ERCC8: variants seen among roughly 807,000 people sequenced by gnomAD.
ERCC8 encodes ERCC excision repair 8, CSA ubiquitin ligase complex subunit.
Under a neutral mutation model 54.9 loss-of-function variants are expected in ERCC8, and 52 were observed. The observed-to-expected ratio is 0.95, with a 90% CI of 0.76 to 1.19. ERCC8 has a LOEUF of 1.19. Among genes scored for constraint, ERCC8 ranks in the 50% most tolerant of loss-of-function variants. The pLI, the probability that ERCC8 is intolerant of heterozygous loss-of-function variation, is 0.00. For synonymous variants in ERCC8, 146 were observed against 157.2 expected (o/e 0.93, Z 0.53); for missense variants, 514 against 466.1 (o/e 1.10, Z -0.95).
chr5:60,877,302 G>A (rs1748043978), intron 11 of ERCC8, among the ~76,000 whole-genome samples: 2 of 152,210 alleles, frequency 1.3e-5, no homozygotes, highest in South Asian at 2.1e-4. Flanking sequence ...ATAGTTTGAA[G>A]TCAGGTAGTG....
chr5:60,896,907 TGATCCTGTC>T (rs1748739750), intron 9 of ERCC8, among the ~76,000 whole-genome samples: 5 of 152,102 alleles, frequency 3.3e-5, no homozygotes, highest in Non-Finnish European at 7.4e-5. Context: ...TCTTCCAGAG[TGATCCTGTC>T]ACTTCTCCAC....
chr5:60,936,144 C>T (rs1419734737), intron 1 of ERCC8, among the ~76,000 whole-genome samples: 1 of 152,080 alleles, frequency 6.6e-6, no homozygotes, highest in Non-Finnish European at 1.5e-5. Context: ...AGCTGTGAGT[C>T]TGTACCTAAA....
chr5:60,900,043 T>C (rs1438880552), intron 7 of ERCC8, among the ~76,000 whole-genome samples: 1 of 152,046 alleles, frequency 6.6e-6, no homozygotes, highest in Non-Finnish European at 1.5e-5. Flanking sequence ...TTGTAGCTTG[T>C]TCCAAGTAAG....
rs767070938 is a variant in ERCC8 at position 60,868,443 on chromosome 5, A to G, written c.*6172T>C. ...ATTGGGCACCTGAAAAGTCCTACAC[A>G]CAGAGAACTAAGAGAGGTCGCAACA... On this transcript the variant is annotated 3_prime_UTR_variant, in exon 12 of 12. Coordinates refer to ENST00000676185, the MANE Select transcript of ERCC8 (RefSeq NM_000082.4). Among the ~76,000 whole-genome samples the G allele has an allele frequency of 1.4e-4, 22 of 152,188 alleles. No homozygotes were observed. The highest frequency in any genetic ancestry group is 2.6e-4 in the Admixed American group (4 of 15,278).
chr5:60,940,195 A>G (rs1750216547), intron 1 of ERCC8, among the ~76,000 whole-genome samples: 1 of 152,184 alleles, frequency 6.6e-6, no homozygotes. Context: ...TCTGGGTAAT[A>G]CTACTATAAA....
intron 1 of ERCC8, among the ~76,000 whole-genome samples, chr5:60,943,484 A>G (rs1412951990): frequency 6.6e-6 from 1 of 152,176 alleles, no homozygotes; most frequent in African/African-American, 2.4e-5. Flanking sequence ...TACTTCTTTC[A>G]AAGTCTATGG....
At chr5:60,936,762 TGA>T (rs2112543082) in intron 1 of ERCC8, among the ~76,000 whole-genome samples, 1 of 152,342 alleles carries the variant, frequency 6.6e-6, no homozygotes, top group Admixed American at 6.5e-5. Context: ...ATTTCCATCT[TGA>T]TGTCAGGTAT....
intron 9 of ERCC8, chr5:60,892,944 T>A: frequency 1.3e-6 from 1 of 755,812 alleles, no homozygotes; most frequent in Non-Finnish European, 2.5e-6. Context: ...GCAGCAATAG[T>A]TCCCCAGAAC....
At chr5:60,936,756 C>A (rs1430558071) in intron 1 of ERCC8, among the ~76,000 whole-genome samples, 1 of 152,164 alleles carries the variant, frequency 6.6e-6, no homozygotes, top group Non-Finnish European at 1.5e-5. Context: ...TTTTTAATTT[C>A]CATCTTGATG....
At chr5:60,903,422 A>G (rs1244128789) in intron 6 of ERCC8, 2 of 626,788 alleles carry the variant, frequency 3.2e-6, no homozygotes, top group Non-Finnish European at 5.0e-6. Context: ...ACTATTTTTC[A>G]TATTGTTTGA....
At chr5:60,899,811 A>G (rs1050206774) in intron 7 of ERCC8, 84 bp from the exon 8 acceptor site, 4 of 1,001,848 alleles carry the variant, frequency 4.0e-6, no homozygotes, top group Admixed American at 3.4e-5. Context: ...TTTATGGCAC[A>G]CAGAGGTCTC....
At chr5:60,880,484 C>T (rs567179737) in intron 11 of ERCC8, among the ~76,000 whole-genome samples, 5 of 152,154 alleles carry the variant, frequency 3.3e-5, no homozygotes, top group Non-Finnish European at 5.9e-5. Flanking sequence ...CCATTCTCCC[C>T]GTCACTTTCA....
intron 2 of ERCC8, among the ~76,000 whole-genome samples, chr5:60,926,853 T>C (rs1163286432): frequency 1.3e-5 from 2 of 152,234 alleles, no homozygotes; most frequent in African/African-American, 4.8e-5. Context: ...TAATCTTAAT[T>C]GATATGGTAT....
At chr5:60,906,504 G>A (rs930959804) in intron 4 of ERCC8, among the ~76,000 whole-genome samples, 12 of 151,878 alleles carry the variant, frequency 7.9e-5, no homozygotes, top group African/African-American at 2.4e-4. Context: ...CGAGGCAGGC[G>A]GATCACTTGA....
chr5:60,939,715 C>T (rs536290527), intron 1 of ERCC8, among the ~76,000 whole-genome samples: 2 of 152,128 alleles, frequency 1.3e-5, no homozygotes, highest in East Asian at 3.9e-4. Flanking sequence ...AGGCTGGTCT[C>T]GAACACCTGA....
At chr5:60,882,909 C>T (rs1375204089) in intron 11 of ERCC8, among the ~76,000 whole-genome samples, 2 of 151,658 alleles carry the variant, frequency 1.3e-5, no homozygotes. Flanking sequence ...CTCCTCTTCC[C>T]TACTCTGTCT....
At chr5:60,877,054 G>C (rs903856529) in intron 11 of ERCC8, among the ~76,000 whole-genome samples, 70 of 152,142 alleles carry the variant, frequency 4.6e-4, no homozygotes, top group Non-Finnish European at 1.0e-4. Flanking sequence ...ATTGATTTTT[G>C]TATAAGGTGT....
intron 1 of ERCC8, among the ~76,000 whole-genome samples, 196 bp downstream of exon 1, chr5:60,944,736 A>ACCCCCGCCGC (rs1750382128): frequency 4.2e-4 from 1 of 2,366 alleles, no homozygotes; most frequent in Non-Finnish European, 9.7e-4. Context: ...AACCCCCCCC[A>ACCCCCGCCGC]CCCCCGCCGC....
intron 1 of ERCC8, among the ~76,000 whole-genome samples, chr5:60,936,553 T>C (rs963987503): frequency 2.8e-4 from 43 of 152,188 alleles, no homozygotes; most frequent in African/African-American, 1.0e-3. Flanking sequence ...TTATTTTTTT[T>C]CTTCTGTTGG....
Sources: allele counts gnomAD v4.1 joint callset (sites outside exome capture counted in the v4.1 genomes callset), GRCh38; gene constraint gnomAD v4.1.1; transcripts MANE v1.5; gene names NCBI Gene and HGNC (gene_info 2026-07-23, HGNC 2026-07-21).